Variants in TJP1 observed in about 807,000 individuals in gnomAD.
The protein encoded by TJP1 is tight junction protein 1.
Under a neutral mutation model 194.2 loss-of-function variants are expected in TJP1, and 43 were observed. The ratio of observed to expected loss-of-function variants is 0.22; its 90% CI spans 0.17 to 0.29. TJP1 has a LOEUF of 0.29. Ranked by LOEUF, TJP1 falls within the 10% of genes least tolerant of loss-of-function variation. The pLI, the probability that TJP1 is intolerant of heterozygous loss-of-function variation, is 1.00. For synonymous variants in TJP1, 801 were observed against 779.0 expected, an observed-to-expected ratio of 1.03 and a Z score of -0.47; for missense variants, 1,971 against 2,185.7, an observed-to-expected ratio of 0.90 and a Z score of 1.96.
At chr15:29,949,894 CTCCACA>C (rs2055590837) in intron 2 of TJP1, among the ~76,000 whole-genome samples, 1 of 106,884 alleles carries the variant, frequency 9.4e-6, no homozygotes. Flanking sequence ...CCACCTCCAC[CTCCACA>C]ACCACCACCT....
rs1352157979 is a variant in TJP1 at position 29,711,407 on chromosome 15, C to A, written c.4203-407G>T. ...TTGAGACAGGGTCTCATTCTGTCGC[C>A]CAGACTGGAGTGCAGTGGCGCGATC... is the stretch of plus-strand genomic sequence containing the variant. On this transcript the variant is annotated intron_variant, in intron 23 of 27. Transcript: ENST00000614355. Among the ~76,000 whole-genome samples the A allele has an allele frequency of 5.3e-5, 8 of 152,252 alleles. No individual in the cohort carries two copies. The East Asian group carries it at 1.5e-3, about 29-fold the overall frequency.
intron 2 of TJP1, among the ~76,000 whole-genome samples, chr15:29,835,545 G>C (rs765939137): frequency 6.6e-6 from 1 of 152,018 alleles, no homozygotes; most frequent in African/African-American, 2.4e-5. Context: ...AGCTACTGGC[G>C]AGGCTGAGGT....
Position 29,849,713 on chromosome 15 carries a change from C to A in TJP1, c.307-49011G>T, listed in dbSNP as rs187213270. Among the ~76,000 whole-genome samples the A allele has an allele frequency of 8.0e-5, 12 of 150,096 alleles. 1 individual carries two copies. The highest frequency in any genetic ancestry group is 2.9e-4 in the African/African-American group (12 of 40,788). ...AATGAGCTGAGATCGTGCCACTGTA[C>A]TCCAGCCTGGGCAACAGAGAGGACT... is the stretch of plus-strand genomic sequence containing the variant. On this transcript the variant is annotated intron_variant, in intron 2 of 28. Transcript: ENST00000356107.
intron 1 of TJP1, among the ~76,000 whole-genome samples, chr15:29,811,005 T>C (rs1440613682): frequency 2.0e-5 from 3 of 151,964 alleles, no homozygotes; most frequent in East Asian, 3.9e-4. Context: ...GCTAAATATA[T>C]AGTCACAAAG....
At chr15:29,743,191 C>T (rs2044539226) in intron 8 of TJP1, among the ~76,000 whole-genome samples, 1 of 152,064 alleles carries the variant, frequency 6.6e-6, no homozygotes, top group African/African-American at 2.4e-5. Context: ...TAAACATTCA[C>T]ATAATCAACA....
chr15:29,747,748 C>A (rs1040888176), intron 8 of TJP1, among the ~76,000 whole-genome samples: 1 of 152,158 alleles, frequency 6.6e-6, no homozygotes, highest in African/African-American at 2.4e-5. Context: ...AATATTTTAA[C>A]TCAAATGCTC....
downstream of TJP1, chr15:29,699,846 C>T (rs902354870): frequency 4.3e-5 from 7 of 163,842 alleles, no homozygotes; most frequent in African/African-American, 9.5e-5. Context: ...CACAAACGCA[C>T]GTGTGTCCCC....
At chr15:29,872,048 C>T (rs950347406) in intron 2 of TJP1, among the ~76,000 whole-genome samples, 1 of 152,166 alleles carries the variant, frequency 6.6e-6, no homozygotes, top group African/African-American at 2.4e-5. Flanking sequence ...GGCATTTACA[C>T]AGGGTGGGCT....
intron 2 of TJP1, among the ~76,000 whole-genome samples, chr15:29,918,660 C>G (rs1284624113): frequency 6.6e-6 from 1 of 151,966 alleles, no homozygotes; most frequent in African/African-American, 2.4e-5. Context: ...ATCACCTAAG[C>G]CTGGGGAGGT....
chr15:29,727,687 T>C lies in TJP1; in HGVS notation c.2100+250A>G, dbSNP rs563398334. On this transcript the variant is annotated intron_variant, in intron 16 of 27. Coordinates refer to ENST00000614355, the MANE Select transcript of TJP1 (RefSeq NM_001330239.4). ...ACTTGAATTGTACTGATATAATATA[T>C]AAGCAGTCTGTTAATTACATCTAAA... 5.3e-5 allele frequency among the ~76,000 whole-genome samples: 8 copies of C among 152,346 alleles called. 1 individual carries two copies. The South Asian group carries it at 1.5e-3, about 28-fold the overall frequency.
At chr15:29,719,261 TATC>T in intron 20 of TJP1, 123 bp from the exon 21 acceptor site, 1 of 1,191,710 alleles carries the variant, frequency 8.4e-7, no homozygotes. Flanking sequence ...TACCATTTAT[TATC>T]AGGATAGACA....
intron 2 of TJP1, among the ~76,000 whole-genome samples, chr15:29,949,470 C>G (rs2055482870): frequency 2.1e-5 from 1 of 47,652 alleles, no homozygotes; most frequent in Non-Finnish European, 4.2e-5. Context: ...TCCACCACCA[C>G]CACCTCCACA....
chr15:29,894,490 T>C (rs1037002074), intron 2 of TJP1, among the ~76,000 whole-genome samples: 2 of 152,164 alleles, frequency 1.3e-5, no homozygotes, highest in Admixed American at 6.5e-5. Context: ...GAAAAAAGCA[T>C]ACACATAAAG....
chr15:29,866,857 C>T lies in TJP1; in HGVS notation c.307-66155G>A, dbSNP rs143853988. 2.3e-3 allele frequency among the ~76,000 whole-genome samples: 355 copies of T among 152,288 alleles called. 3 individuals are homozygous for T. The highest frequency in any genetic ancestry group is 8.0e-3 in the African/African-American group (334 of 41,570). ...AGATCTGCAGGCTCTTTCCAGGGGC[C>T]GCCCTAACCTGAGACAACCAGGAAG... On this transcript the variant is annotated intron_variant, in intron 2 of 28. Coordinates refer to the TJP1 transcript ENST00000356107.
intron 18 of TJP1, among the ~76,000 whole-genome samples, chr15:29,722,801 C>T (rs143715187): frequency 6.6e-6 from 1 of 152,328 alleles, no homozygotes; most frequent in South Asian, 2.1e-4. Flanking sequence ...GCTACAGGGG[C>T]AGAGCTGTCC....
intron 2 of TJP1, among the ~76,000 whole-genome samples, chr15:29,793,888 T>C (rs116031635): frequency 0.013 from 1,929 of 152,276 alleles, 43 homozygotes; most frequent in African/African-American, 0.045. Context: ...AAATATGTAG[T>C]TGAATTTGGT....
chr15:29,714,982 G>C (rs2042474386), intron 23 of TJP1, among the ~76,000 whole-genome samples: 1 of 152,186 alleles, frequency 6.6e-6, no homozygotes, highest in Non-Finnish European at 1.5e-5. Context: ...TAACTAAAGG[G>C]TACACCCTTC....
At chr15:29,794,828 A>G (rs2048304789) in intron 2 of TJP1, among the ~76,000 whole-genome samples, 1 of 152,146 alleles carries the variant, frequency 6.6e-6, no homozygotes, top group South Asian at 2.1e-4. Context: ...CTATCAAAAG[A>G]GCTTAAACTC....
intron 23 of TJP1, among the ~76,000 whole-genome samples, chr15:29,715,208 G>T (rs2042489696): frequency 6.6e-6 from 1 of 151,914 alleles, no homozygotes; most frequent in Non-Finnish European, 1.5e-5. Context: ...TTTATATTGT[G>T]CTAGCTCACT....
Sources: gnomAD v4.1 joint callset for allele counts (sites outside exome capture counted in the v4.1 genomes callset) on GRCh38, gnomAD v4.1.1 for gene constraint, MANE v1.5 for transcripts, NCBI Gene and HGNC (gene_info 2026-07-23, HGNC 2026-07-21) for gene names.